The following VEPH1 variants were observed in gnomAD, a reference collection of about 807,000 sequenced individuals.
The protein encoded by VEPH1 is ventricular zone-expressed PH domain-containing protein homolog 1.
Under a neutral mutation model 85.2 loss-of-function variants are expected in VEPH1, and 80 were observed. The observed-to-expected ratio is 0.94, with a 90% confidence interval of 0.78 to 1.13. The LOEUF (loss-of-function observed/expected upper bound fraction) is 1.13. VEPH1 is among the 50% of genes most tolerant of loss of function. VEPH1 has a pLI of 0.00. For missense variants in VEPH1, 955 were observed against 980.5 expected (o/e 0.97, Z 0.35); for synonymous variants, 297 against 348.0 (o/e 0.85, Z 1.63).
chr3:157,305,769 A>T (rs1334626911), intron 11 of VEPH1, among the ~76,000 whole-genome samples: 8 of 152,316 alleles, frequency 5.3e-5, no homozygotes, highest in South Asian at 2.1e-4. Flanking sequence ...ATTGTATTTT[A>T]AAAAATGTGT....
rs73030047 is a variant in VEPH1, at chr3:157,470,536, G to A, written c.139-7C>T. ...TGTTATTGGTTTGGTAATCCTGTTT[G>A]GAAAGAAAATCTTCATGTTAAATAA... is the stretch of plus-strand genomic sequence containing the variant. On this transcript the variant is annotated splice_polypyrimidine_tract_variant and splice_region_variant and intron_variant, in intron 2 of 13. Coordinates refer to ENST00000362010, the MANE Select transcript of VEPH1 (RefSeq NM_001167912.2). 2.2e-3 allele frequency: 3,547 copies of A among 1,612,756 alleles called. 64 individuals are homozygous for A. The African/African-American group carries it at 0.04, about 18-fold the overall frequency.
chr3:157,455,951 G>T (rs1284152930), intron 4 of VEPH1, among the ~76,000 whole-genome samples: 1 of 152,194 alleles, frequency 6.6e-6, no homozygotes, highest in African/African-American at 2.4e-5. Context: ...CCAGTAATGG[G>T]ATTGCTGAGT....
At chr3:157,266,427 A>G (rs12634613) in intron 12 of VEPH1, among the ~76,000 whole-genome samples, 20,015 of 151,880 alleles carry the variant, frequency 0.13, 2,232 homozygotes, top group African/African-American at 0.3. Flanking sequence ...TTTCCCCCAT[A>G]TGTTCTCATG....
intron 4 of VEPH1, among the ~76,000 whole-genome samples, chr3:157,445,694 C>T (rs2109268703): frequency 6.6e-6 from 1 of 152,240 alleles, no homozygotes; most frequent in South Asian, 2.1e-4. Context: ...GAGGGTGAGG[C>T]AGGAGAATCT....
intron 5 of VEPH1, among the ~76,000 whole-genome samples, chr3:157,425,628 G>T (rs1732701782): frequency 6.6e-6 from 1 of 152,172 alleles, no homozygotes; most frequent in Non-Finnish European, 1.5e-5. Flanking sequence ...CCCAATGCCT[G>T]TATCTAGGAA....
chr3:157,444,643 A>T (rs1026241401), intron 4 of VEPH1, among the ~76,000 whole-genome samples: 1 of 152,224 alleles, frequency 6.6e-6, no homozygotes, highest in Non-Finnish European at 1.5e-5. Context: ...CCAAAACTTA[A>T]GCAGAAAATT....
intron 11 of VEPH1, among the ~76,000 whole-genome samples, chr3:157,303,915 G>T (rs1280710309): frequency 6.6e-6 from 1 of 151,382 alleles, no homozygotes; most frequent in Non-Finnish European, 1.5e-5. Flanking sequence ...GCCCTGAAAG[G>T]AAGGTTCTCT....
intron 9 of VEPH1, among the ~76,000 whole-genome samples, chr3:157,341,435 A>G (rs1285998056): frequency 6.6e-6 from 1 of 152,246 alleles, no homozygotes; most frequent in Non-Finnish European, 1.5e-5. Flanking sequence ...GTGATTGAAG[A>G]TCAAATCAAT....
chr3:157,309,385 G>A (rs1719846145), intron 11 of VEPH1, among the ~76,000 whole-genome samples: 2 of 152,180 alleles, frequency 1.3e-5, no homozygotes, highest in South Asian at 4.1e-4. Context: ...GTTAGTAATA[G>A]TGCTCACTCA....
intron 11 of VEPH1, 49 bp downstream of exon 11, chr3:157,313,572 A>G: frequency 6.3e-7 from 1 of 1,580,124 alleles, no homozygotes; most frequent in African/African-American, 1.4e-5. Flanking sequence ...CTGTTTCAAG[A>G]CAATCTTAAA....
intron 6 of VEPH1, among the ~76,000 whole-genome samples, chr3:157,386,831 C>T (rs1729356310): frequency 6.6e-6 from 1 of 152,188 alleles, no homozygotes; most frequent in Admixed American, 6.5e-5. Context: ...GCAGTTTAAA[C>T]CACCATTGCT....
In VEPH1 at chr3:157,286,561, T is replaced by A. The variant is rs1716807615; in HGVS notation, c.2124A>T (p.Ala708=). 6.2e-7 allele frequency: 1 copy of A among 1,613,634 alleles called. No homozygotes were observed. The highest frequency in any genetic ancestry group is 8.5e-7 in the Non-Finnish European group (1 of 1,179,666). The change falls in exon 12 of 14, where the codon GCA becomes GCT. Residue 708 remains alanine, a synonymous_variant. Coordinates refer to ENST00000362010, the MANE Select transcript of VEPH1 (RefSeq NM_001167912.2). ...QCFMCNNPEK[A]TVVNQDGQPL... ...CAGCAGGTAAGGGTCTCTCACCAGT[T>A]GCTTTCTCAGGATTGTTGCACATGA...
At chr3:157,378,239 GATGCTGCCATGTGTTCAGGTCATTGCCA>G (rs1728350641) in intron 7 of VEPH1, among the ~76,000 whole-genome samples, 1 of 148,664 alleles carries the variant, frequency 6.7e-6, no homozygotes, top group African/African-American at 2.5e-5. Context: ...GACTCTCCTG[GATGCTGCCATGTGTTCAGGTCATTGCCA>G]GTTAACTTAT....
intron 13 of VEPH1, among the ~76,000 whole-genome samples, chr3:157,264,407 C>A (rs183818699): frequency 2.8e-3 from 433 of 152,296 alleles, no homozygotes; most frequent in Non-Finnish European, 3.5e-3. Context: ...ACTTCACACC[C>A]TCCATAATTT....
chr3:157,434,240 A>C (rs1200400169), intron 4 of VEPH1, among the ~76,000 whole-genome samples: 3 of 152,110 alleles, frequency 2.0e-5, no homozygotes, highest in Non-Finnish European at 2.9e-5. Context: ...AACTTTTAAC[A>C]TTTCTACTTT....
At chr3:157,302,797 AT>A (rs1718964983) in intron 11 of VEPH1, among the ~76,000 whole-genome samples, 1 of 152,188 alleles carries the variant, frequency 6.6e-6, no homozygotes, top group Non-Finnish European at 1.5e-5. Flanking sequence ...CCAGGACAGA[AT>A]TCCCCAGATT....
At chr3:157,279,122 A>G (rs1027390167) in intron 12 of VEPH1, among the ~76,000 whole-genome samples, 4 of 152,180 alleles carry the variant, frequency 2.6e-5, no homozygotes, top group African/African-American at 9.7e-5. Context: ...CCAGGCCAGG[A>G]CCGCATATAT....
At chr3:157,413,055 A>T (rs2109030162) in intron 6 of VEPH1, among the ~76,000 whole-genome samples, 1 of 152,290 alleles carries the variant, frequency 6.6e-6, no homozygotes, top group South Asian at 2.1e-4. Flanking sequence ...TCCTTTTAAA[A>T]GTTGGACAAT....
chr3:157,360,108 G>T (rs1725881137), intron 9 of VEPH1, among the ~76,000 whole-genome samples: 1 of 152,130 alleles, frequency 6.6e-6, no homozygotes, highest in Non-Finnish European at 1.5e-5. Context: ...AAGATTTTAA[G>T]GAAAGAAAGG....
Sources: gnomAD v4.1 joint callset for allele counts (sites outside exome capture counted in the v4.1 genomes callset) on GRCh38, gnomAD v4.1.1 for gene constraint, MANE v1.5 for transcripts, NCBI Gene and HGNC (gene_info 2026-07-23, HGNC 2026-07-21) for gene names.